Variants in GPR158 observed in about 807,000 individuals in gnomAD.
The protein encoded by GPR158 is metabotropic glycine receptor.
In GPR158, 30 loss-of-function variants were observed where a neutral mutation model predicts 78.2. That is an observed-to-expected ratio of 0.38 (90% CI 0.29 to 0.52). The LOEUF (loss-of-function observed/expected upper bound fraction) is 0.52. GPR158 is among the 20% of genes least tolerant of loss of function. The pLI is 0.83. For synonymous variants in GPR158, 581 were observed against 591.1 expected, an observed-to-expected ratio of 0.98 and a Z score of 0.25; for missense variants, 1,463 against 1,523.5, an observed-to-expected ratio of 0.96 and a Z score of 0.66.
intron 2 of GPR158, among the ~76,000 whole-genome samples, chr10:25,317,135 C>T (rs1455775552): frequency 1.3e-5 from 2 of 151,758 alleles, no homozygotes; most frequent in African/African-American, 4.8e-5. Context: ...ACCTCCACCT[C>T]CTGGGTTCAA....
intron 7 of GPR158, among the ~76,000 whole-genome samples, chr10:25,579,685 T>A (rs11815804): frequency 0.012 from 1,850 of 152,300 alleles, 44 homozygotes; most frequent in African/African-American, 0.042. Flanking sequence ...GAACTTCCCT[T>A]CCATGGTTAA....
Position 25,589,143 on chromosome 10 carries a change from T to C in GPR158, c.1890T>C (p.Ile630=). 1.9e-6 allele frequency: 3 copies of C among 1,598,824 alleles called. No individual in the cohort carries two copies. The highest frequency in any genetic ancestry group is 2.6e-6 in the Non-Finnish European group (3 of 1,169,496). The change falls in exon 8 of 11, where the codon ATT becomes ATC. Residue 630 remains isoleucine (I), a splice_region_variant and synonymous_variant. Transcript: ENST00000376351. ...ELIISAIFHT[I]RFVLASRLQS... is the part of the protein sequence containing the mutation. ...TCATCTCTGCTATATTCCATACAAT[T>C]AGGCAAGTGATCTGTAGAGCTAGTA...
intron 5 of GPR158, among the ~76,000 whole-genome samples, chr10:25,522,381 AT>A (rs1348177943): frequency 6.6e-6 from 1 of 152,172 alleles, no homozygotes; most frequent in Non-Finnish European, 1.5e-5. Context: ...TTTCAAGGAA[AT>A]TGTAGGCTTA....
intron 1 of GPR158, among the ~76,000 whole-genome samples, chr10:25,185,468 T>G (rs2130633639): frequency 6.6e-6 from 1 of 152,298 alleles, no homozygotes; most frequent in Admixed American, 6.5e-5. Context: ...AAGCATGGTT[T>G]TACTACCTAC....
At chr10:25,348,920 A>G (rs778273666) in intron 2 of GPR158, among the ~76,000 whole-genome samples, 1 of 152,040 alleles carries the variant, frequency 6.6e-6, no homozygotes, top group Admixed American at 6.6e-5. Flanking sequence ...AAGAAAAGCA[A>G]ACCACCTGAA....
rs868591589 is a variant in GPR158 at position 25,601,334 on chromosome 10, A to T, written c.*2060A>T. On this transcript the variant is annotated 3_prime_UTR_variant, in exon 11 of 11. Transcript: ENST00000376351. ...AGAAATTCTATTTTTGTGTCTTTAC[A>T]CCATTTATTTCTTTTATCTCTTCCT... 6.6e-6 allele frequency: 1 copy of T among 152,554 alleles called. No homozygotes were observed. The highest frequency in any genetic ancestry group is 1.5e-5 in the Non-Finnish European group (1 of 68,020). The allele number at this position is 152,554 out of a possible 1,614,324, so 9.5% of individuals were successfully genotyped here.
At chr10:25,405,534 C>T (rs535773931) in intron 3 of GPR158, among the ~76,000 whole-genome samples, 15 of 69,490 alleles carry the variant, frequency 2.2e-4, no homozygotes, top group African/African-American at 7.9e-4. Flanking sequence ...TTTTTGCTAG[C>T]ATGACATTAA....
chr10:25,326,353 C>T (rs1855032914), intron 2 of GPR158, among the ~76,000 whole-genome samples: 1 of 106,786 alleles, frequency 9.4e-6, no homozygotes, highest in African/African-American at 4.1e-5. Flanking sequence ...TGTAGTCTAT[C>T]ATTGTTGCTT....
At chr10:25,283,982 TTGTG>T (rs1854312522) in intron 2 of GPR158, among the ~76,000 whole-genome samples, 1 of 152,074 alleles carries the variant, frequency 6.6e-6, no homozygotes, top group Non-Finnish European at 1.5e-5. Flanking sequence ...AAAACATACT[TTGTG>T]TGGTATGTAT....
At chr10:25,547,051 A>G (rs1373232574) in intron 5 of GPR158, among the ~76,000 whole-genome samples, 5 of 152,164 alleles carry the variant, frequency 3.3e-5, no homozygotes, top group Admixed American at 2.6e-4. Context: ...TAAGCAGGGA[A>G]GTGAGGTGAT....
At chr10:25,240,656 T>C (rs1440623358) in intron 2 of GPR158, among the ~76,000 whole-genome samples, 1 of 152,182 alleles carries the variant, frequency 6.6e-6, no homozygotes, top group East Asian at 1.9e-4. Flanking sequence ...TGGTACTAAA[T>C]GTAGGGAAAT....
At chr10:25,294,005 A>C (rs1417818292) in intron 2 of GPR158, among the ~76,000 whole-genome samples, 1 of 152,182 alleles carries the variant, frequency 6.6e-6, no homozygotes, top group African/African-American at 2.4e-5. Flanking sequence ...TCAGCCTCCC[A>C]AAGTGCGGGA....
intron 2 of GPR158, among the ~76,000 whole-genome samples, chr10:25,250,509 G>T (rs1244275904): frequency 6.2e-5 from 9 of 145,330 alleles, no homozygotes; most frequent in African/African-American, 2.0e-4. Context: ...TCTGGTATGT[G>T]GTGTCTTTGT....
chr10:25,393,782 A>G (rs1286640586), intron 2 of GPR158: 3 of 152,220 alleles, frequency 2.0e-5, no homozygotes, highest in Non-Finnish European at 4.4e-5. Context: ...CAGCCAGATT[A>G]GCTGAATCAA....
intron 6 of GPR158, among the ~76,000 whole-genome samples, chr10:25,572,147 C>T (rs893613399): frequency 1.1e-4 from 16 of 152,120 alleles, no homozygotes; most frequent in Non-Finnish European, 2.2e-4. Flanking sequence ...TGTTTGCCTA[C>T]GGATCTTTCT....
intron 2 of GPR158, among the ~76,000 whole-genome samples, chr10:25,384,604 T>C (rs970617690): frequency 3.3e-5 from 5 of 152,194 alleles, no homozygotes; most frequent in African/African-American, 1.2e-4. Flanking sequence ...ATAAACTTTA[T>C]TTATTTGATT....
chr10:25,186,687 C>T (rs1188611175), intron 1 of GPR158, among the ~76,000 whole-genome samples: 1 of 152,054 alleles, frequency 6.6e-6, no homozygotes, highest in South Asian at 2.1e-4. Context: ...AAGTTGAATC[C>T]CTGAATAGAC....
At chr10:25,182,532 A>T (rs1214874384) in intron 1 of GPR158, among the ~76,000 whole-genome samples, 1 of 152,228 alleles carries the variant, frequency 6.6e-6, no homozygotes, top group East Asian at 1.9e-4. Context: ...GGGATTTCCC[A>T]AACTGCAAAA....
intron 1 of GPR158, among the ~76,000 whole-genome samples, chr10:25,192,803 C>T (rs77808062): frequency 5.3e-5 from 8 of 151,124 alleles, no homozygotes; most frequent in Non-Finnish European, 7.4e-5. Flanking sequence ...AAATAAAAAT[C>T]GAATTCATCA....
Sources: gnomAD v4.1 joint callset for allele counts (sites outside exome capture counted in the v4.1 genomes callset) on GRCh38, gnomAD v4.1.1 for gene constraint, MANE v1.5 for transcripts, NCBI Gene and HGNC (gene_info 2026-07-23, HGNC 2026-07-21) for gene names.